CFAP61: variants seen among roughly 807,000 people sequenced by gnomAD.
The protein encoded by CFAP61 is cilia and flagella associated protein 61.
In CFAP61, 107 loss-of-function variants were observed where a neutral mutation model predicts 135.6. The observed-to-expected ratio is 0.79, with a 90% CI of 0.67 to 0.93. The LOEUF is 0.93. Among genes scored for constraint, CFAP61 ranks in the 40% least tolerant of loss-of-function variants. CFAP61 has a pLI of 0.00. For synonymous variants in CFAP61, 575 were observed against 578.5 expected (o/e 0.99, Z 0.09); for missense variants, 1,507 against 1,556.2 (o/e 0.97, Z 0.53).
intron 25 of CFAP61, among the ~76,000 whole-genome samples, chr20:20,330,815 T>G (rs1052284032): frequency 6.6e-6 from 1 of 152,162 alleles, no homozygotes; most frequent in Admixed American, 6.5e-5. Flanking sequence ...GGGGCTCTGA[T>G]ACCTTGTGAG....
Position 20,288,933 on chromosome 20 carries a change from C to G in CFAP61, c.3121C>G (p.Gln1041Glu). The change falls in exon 23 of 27, where the codon CAA (glutamine) becomes GAA (glutamate). Residue 1041 changes from glutamine (Q) to glutamate (E), a missense_variant. Physicochemically the swap from Gln to Glu is conservative, Grantham distance 29. Coordinates refer to ENST00000245957, the MANE Select transcript of CFAP61 (RefSeq NM_015585.4). ...CCCCATGTACAAGGGAGCCAAGATT[C>G]AAGGTATACGAGTAGGCTTCCTTCT... ...LIPMYKGAKI[Q>E]GGILPGSYHY... 1.2e-6 allele frequency: 2 copies of G among 1,605,014 alleles called. No individual in the cohort carries two copies. Among genetic ancestry groups the G allele is most frequent in the African/African-American group, 2.7e-5 (2 of 74,864 alleles).
chr20:20,272,209 A>G (rs1196132843), intron 21 of CFAP61, among the ~76,000 whole-genome samples: 5 of 152,136 alleles, frequency 3.3e-5, no homozygotes, highest in Admixed American at 3.3e-4. Context: ...GGAGGCCAAG[A>G]TAGGCAGATC....
Position 20,277,424 on chromosome 20 carries a change from C to T in CFAP61, c.2762C>T (p.Thr921Ile), listed in dbSNP as rs368323874. The change falls in exon 22 of 27, where the codon ACC (threonine) becomes ATC (isoleucine). Residue 921 changes from threonine (T) to isoleucine (I), a missense_variant. By Grantham distance (89) the Thr-to-Ile change is moderately conservative. Transcript: ENST00000245957. ...HPDPIYSASF[T>I]TPTKPFRLQC... Reference sequence around the variant, plus strand: ...GACCCCATCTACAGCGCCTCCTTCACCACACCCACCAAGCCTTTCAGACTC... The same window carrying T: ...GACCCCATCTACAGCGCCTCCTTCATCACACCCACCAAGCCTTTCAGACTC... 3 of 1,613,288 alleles carry T rather than the reference C, an allele frequency of 1.9e-6. No homozygotes were observed. The highest frequency in any genetic ancestry group is 1.7e-5 in the Admixed American group (1 of 59,998).
intron 25 of CFAP61, among the ~76,000 whole-genome samples, chr20:20,325,866 G>T (rs1433554173): frequency 1.3e-5 from 2 of 152,182 alleles, no homozygotes; most frequent in Non-Finnish European, 2.9e-5. Flanking sequence ...CCACATCCAT[G>T]TCAGCATTTG....
At chr20:20,298,993 G>T (rs1189080686) in intron 25 of CFAP61, among the ~76,000 whole-genome samples, 2 of 152,312 alleles carry the variant, frequency 1.3e-5, no homozygotes, top group Non-Finnish European at 1.5e-5. Context: ...AATGTAGCTT[G>T]CTGCTTAGCA....
At chr20:20,333,383 T>C (rs2058068877) in intron 25 of CFAP61, among the ~76,000 whole-genome samples, 1 of 152,176 alleles carries the variant, frequency 6.6e-6, no homozygotes, top group Non-Finnish European at 1.5e-5. Context: ...AGCTCCAGAT[T>C]ACATAAGCTG....
At chr20:20,175,759 C>G (rs531670506) in intron 13 of CFAP61, among the ~76,000 whole-genome samples, 31 of 152,068 alleles carry the variant, frequency 2.0e-4, no homozygotes, top group African/African-American at 7.5e-4. Context: ...TCTCAATCTC[C>G]TGACCTCATG....
At chr20:20,259,421 A>AT (rs2051975070) in intron 20 of CFAP61, among the ~76,000 whole-genome samples, 2 of 141,718 alleles carry the variant, frequency 1.4e-5, no homozygotes, top group African/African-American at 5.7e-5. Context: ...AAACCCAGCT[A>AT]ATTTTTTTTT....
At chr20:20,133,193 G>A (rs2050673026) in intron 8 of CFAP61, among the ~76,000 whole-genome samples, 1 of 152,206 alleles carries the variant, frequency 6.6e-6, no homozygotes, top group African/African-American at 2.4e-5. Context: ...ATAATCCGTT[G>A]CCACAATAAT....
At chr20:20,202,947 C>T (rs897474787) in intron 17 of CFAP61, among the ~76,000 whole-genome samples, 2 of 152,082 alleles carry the variant, frequency 1.3e-5, no homozygotes, top group Admixed American at 1.3e-4. Context: ...ACAGATCACT[C>T]CAGGCATGAG....
intron 20 of CFAP61, chr20:20,253,525 A>G: frequency 2.2e-6 from 1 of 454,674 alleles, no homozygotes; most frequent in Non-Finnish European, 4.3e-6. Flanking sequence ...TGACCAGAGA[A>G]TCTACATGTA....
intron 6 of CFAP61, among the ~76,000 whole-genome samples, chr20:20,075,990 G>A (rs911210579): frequency 8.5e-5 from 13 of 152,214 alleles, no homozygotes; most frequent in African/African-American, 3.1e-4. Context: ...GAATGAGGAT[G>A]CTGTTGACCC....
At chr20:20,056,004 G>C (rs2044301149) in intron 1 of CFAP61, 2 of 1,608,306 alleles carry the variant, frequency 1.2e-6, no homozygotes, top group South Asian at 2.2e-5. Context: ...GTTCTCCACT[G>C]TTGCCGTCAT....
intron 8 of CFAP61, among the ~76,000 whole-genome samples, chr20:20,141,517 C>A (rs1032886687): frequency 3.9e-5 from 6 of 152,188 alleles, no homozygotes; most frequent in East Asian, 1.9e-4. Flanking sequence ...AGGACATTTT[C>A]TCTTCATGCC....
intron 21 of CFAP61, among the ~76,000 whole-genome samples, chr20:20,270,820 C>G (rs1445886774): frequency 6.6e-6 from 1 of 152,034 alleles, no homozygotes; most frequent in Non-Finnish European, 1.5e-5. Flanking sequence ...CAGGCATGAT[C>G]CACTATGCCC....
chr20:20,256,610 C>T (rs1055487759), intron 20 of CFAP61, among the ~76,000 whole-genome samples: 5 of 152,132 alleles, frequency 3.3e-5, no homozygotes, highest in Non-Finnish European at 7.4e-5. Context: ...TGCTGCTAAA[C>T]AGTTAGTGAT....
At chr20:20,250,733 A>G (rs889373920) in intron 19 of CFAP61, among the ~76,000 whole-genome samples, 1 of 152,258 alleles carries the variant, frequency 6.6e-6, no homozygotes, top group Admixed American at 6.5e-5. Flanking sequence ...CAGAATCACT[A>G]AAAGGTGGTT....
intron 16 of CFAP61, among the ~76,000 whole-genome samples, chr20:20,197,040 CTG>C (rs1345786881): frequency 1.3e-5 from 2 of 152,118 alleles, no homozygotes; most frequent in East Asian, 1.9e-4. Flanking sequence ...AGACTGAAAA[CTG>C]TGCAGAAATG....
At chr20:20,154,610 A>G in intron 9 of CFAP61, among the ~76,000 whole-genome samples, 1 of 152,060 alleles carries the variant, frequency 6.6e-6, no homozygotes, top group East Asian at 1.9e-4. Context: ...AACAGCTGCC[A>G]AACAAAACAA....
Sources: allele counts gnomAD v4.1 joint callset (sites outside exome capture counted in the v4.1 genomes callset), GRCh38; gene constraint gnomAD v4.1.1; transcripts MANE v1.5; gene names NCBI Gene and HGNC (gene_info 2026-07-23, HGNC 2026-07-21).